The following SYNDIG1 variants were observed in gnomAD, a reference collection of about 807,000 sequenced individuals.
SYNDIG1 encodes synapse differentiation inducing 1.
SYNDIG1 carries 9 observed loss-of-function variants against 19.4 expected under a neutral mutation model. The observed-to-expected ratio is 0.46, with a 90% CI of 0.28 to 0.81. The LOEUF is 0.81. SYNDIG1 is among the 30% of genes least tolerant of loss of function. The pLI, the probability that SYNDIG1 is intolerant of heterozygous loss-of-function variation, is 0.12. For missense variants in SYNDIG1, 311 were observed against 343.3 expected (o/e 0.91, Z 0.74); for synonymous variants, 141 against 145.9 (o/e 0.97, Z 0.24).
At chr20:24,628,555 GA>G (rs1019351472) in intron 3 of SYNDIG1, among the ~76,000 whole-genome samples, 4 of 152,212 alleles carry the variant, frequency 2.6e-5, no homozygotes, top group African/African-American at 9.6e-5. Context: ...TCCACTTCAA[GA>G]AAGGCAATAT....
chr20:24,636,203 T>G (rs1056414217), intron 3 of SYNDIG1, among the ~76,000 whole-genome samples: 18 of 152,314 alleles, frequency 1.2e-4, no homozygotes, highest in Admixed American at 7.2e-4. Context: ...CTTAACTTCT[T>G]TTCATCATGC....
chr20:24,491,703 A>G (rs1340543832), intron 1 of SYNDIG1: 1 of 152,308 alleles, frequency 6.6e-6, no homozygotes, highest in African/African-American at 2.4e-5. Flanking sequence ...CTGTAACACC[A>G]GCAAAGGACA....
chr20:24,520,245 T>C (rs1195947648), intron 1 of SYNDIG1, among the ~76,000 whole-genome samples: 1 of 150,704 alleles, frequency 6.6e-6, no homozygotes, highest in Admixed American at 6.6e-5. Flanking sequence ...ATTTTATATG[T>C]TTTTATATCT....
chr20:24,504,703 G>C (rs151126340), intron 1 of SYNDIG1, among the ~76,000 whole-genome samples: 112 of 152,324 alleles, frequency 7.4e-4, no homozygotes, highest in African/African-American at 2.6e-3. Flanking sequence ...GGCCAGTCAC[G>C]AGGGAACATA....
chr20:24,586,499 G>A (rs1278994434), intron 3 of SYNDIG1, among the ~76,000 whole-genome samples: 1 of 152,206 alleles, frequency 6.6e-6, no homozygotes, highest in East Asian at 1.9e-4. Flanking sequence ...AAATGGGTGT[G>A]GGCACAGGCC....
intron 1 of SYNDIG1, among the ~76,000 whole-genome samples, chr20:24,515,973 A>C (rs1417543010): frequency 6.6e-6 from 1 of 152,210 alleles, no homozygotes; most frequent in Non-Finnish European, 1.5e-5. Flanking sequence ...ACAGCATGGT[A>C]CTGGTACCAA....
rs552722822 is a variant in SYNDIG1, at chr20:24,665,829, G to A, written c.*325G>A. On this transcript the variant is annotated 3_prime_UTR_variant, in exon 4 of 4. Transcript: ENST00000376862. ...GCCTGCCAGTGCCCAGAGTGCCACCGCATTAGCAATATACAAACAGTCCAA... is the reference window on the plus strand; with the variant it reads ...GCCTGCCAGTGCCCAGAGTGCCACCACATTAGCAATATACAAACAGTCCAA... The A allele has an allele frequency of 1.2e-4, 45 of 366,686 alleles. No homozygotes were observed. Among genetic ancestry groups the A allele is most frequent in the East Asian group, 1.2e-3 (19 of 15,666 alleles). 22.7% of individuals were successfully genotyped at this position (366,686 alleles called of 1,614,324 possible). A position where few individuals can be genotyped will look rare whatever the true frequency, so the allele number is the denominator to read the frequency against.
chr20:24,565,454 A>T (rs2058026886), intron 2 of SYNDIG1, among the ~76,000 whole-genome samples: 1 of 152,168 alleles, frequency 6.6e-6, no homozygotes, highest in African/African-American at 2.4e-5. Context: ...GGGACGGGGC[A>T]TCTGTAACTT....
chr20:24,594,847 A>G (rs985327634), intron 3 of SYNDIG1, among the ~76,000 whole-genome samples: 2 of 152,184 alleles, frequency 1.3e-5, no homozygotes, highest in African/African-American at 4.8e-5. Flanking sequence ...AATGCTACTG[A>G]TTTTTGCATG....
intron 1 of SYNDIG1, among the ~76,000 whole-genome samples, chr20:24,506,236 A>G (rs1479843627): frequency 1.3e-5 from 2 of 152,254 alleles, no homozygotes; most frequent in African/African-American, 4.8e-5. Context: ...CCAGCCATCC[A>G]TATCCTTAGC....
chr20:24,562,643 T>C (rs926066151), intron 2 of SYNDIG1, among the ~76,000 whole-genome samples: 6 of 152,142 alleles, frequency 3.9e-5, no homozygotes, highest in Non-Finnish European at 7.3e-5. Context: ...TCTGAAACAA[T>C]GTGATAAGAA....
chr20:24,600,610 T>C (rs1600718437), intron 3 of SYNDIG1, among the ~76,000 whole-genome samples: 1 of 149,542 alleles, frequency 6.7e-6, no homozygotes. Context: ...TCTTTCTTTT[T>C]TTTTTTTTTT....
intron 1 of SYNDIG1, among the ~76,000 whole-genome samples, chr20:24,514,175 A>G (rs1157811270): frequency 2.6e-5 from 4 of 152,228 alleles, no homozygotes; most frequent in African/African-American, 9.6e-5. Context: ...AAAACATGCC[A>G]AATTGTAAAG....
chr20:24,495,270 T>A (rs1442392603), intron 1 of SYNDIG1, among the ~76,000 whole-genome samples: 3 of 152,200 alleles, frequency 2.0e-5, no homozygotes, highest in African/African-American at 7.2e-5. Context: ...GGCCCTCAGC[T>A]CACTTCTGAC....
intron 1 of SYNDIG1, among the ~76,000 whole-genome samples, chr20:24,510,298 G>A (rs1161448745): frequency 6.6e-6 from 1 of 152,088 alleles, no homozygotes; most frequent in Non-Finnish European, 1.5e-5. Context: ...GCTGGGCGCA[G>A]TGACTCACGC....
chr20:24,530,781 G>A (rs1402335559), intron 1 of SYNDIG1, among the ~76,000 whole-genome samples: 1 of 151,854 alleles, frequency 6.6e-6, no homozygotes, highest in African/African-American at 2.4e-5. Context: ...TTTTGTGGGG[G>A]GTTTTGTTTG....
rs576777827 is a variant in SYNDIG1 at position 24,594,190 on chromosome 20, T to C, written c.618+9197T>C. ...ATTTCACATTTAAGTCTTTAATCCA[T>C]CTTGAATTCATTCGTGTATACAGTG... On this transcript the variant is annotated intron_variant, in intron 3 of 3. Coordinates refer to ENST00000376862, the MANE Select transcript of SYNDIG1 (RefSeq NM_024893.3). 3.9e-5 allele frequency among the ~76,000 whole-genome samples: 6 copies of C among 152,352 alleles called. No individual in the cohort carries two copies. The East Asian group carries it at 9.6e-4, about 24-fold the overall frequency.
chr20:24,661,773 G>A (rs1886991698), intron 3 of SYNDIG1, among the ~76,000 whole-genome samples: 1 of 152,042 alleles, frequency 6.6e-6, no homozygotes, highest in African/African-American at 2.4e-5. Context: ...GCAAGACCTG[G>A]ATCCACCAGG....
At chr20:24,619,527 T>C (rs2059004067) in intron 3 of SYNDIG1, among the ~76,000 whole-genome samples, 2 of 152,266 alleles carry the variant, frequency 1.3e-5, no homozygotes, top group Non-Finnish European at 2.9e-5. Flanking sequence ...ATGTTCCTGT[T>C]CGTAGATGAT....
Sources: allele counts gnomAD v4.1 joint callset (sites outside exome capture counted in the v4.1 genomes callset), GRCh38; gene constraint gnomAD v4.1.1; transcripts MANE v1.5; gene names NCBI Gene and HGNC (gene_info 2026-07-23, HGNC 2026-07-21).